The following XKRX variants were observed in gnomAD, a reference collection of about 807,000 sequenced individuals.
XKRX encodes the protein XK-related protein 2.
Under a neutral mutation model 22.4 loss-of-function variants are expected in XKRX, and 11 were observed. The observed-to-expected ratio is 0.49, with a 90% CI of 0.31 to 0.81. XKRX has a LOEUF of 0.81. Ranked by LOEUF, XKRX falls within the 40% of genes least tolerant of loss-of-function variation. The pLI is 0.05. For synonymous variants in XKRX, 114 were observed against 132.2 expected, an observed-to-expected ratio of 0.86 and a Z score of 0.94; for missense variants, 320 against 336.5, an observed-to-expected ratio of 0.95 and a Z score of 0.38.
chrX:100,932,385 C>G (rs1226585954), upstream of XKRX, among the ~76,000 whole-genome samples: 1 of 111,642 alleles, frequency 9.0e-6, no homozygotes, highest in African/African-American at 3.3e-5. Context: ...GACTAGTCAT[C>G]TGAGGTGACA....
chrX:100,946,553 G>A, the XKRX span, among the ~76,000 whole-genome samples: 19 of 111,837 alleles, frequency 1.7e-4, no homozygotes, highest in African/African-American at 6.2e-4. Context: ...AGGAAAACCA[G>A]CAGAGAGAGA....
intron 2 of XKRX, among the ~76,000 whole-genome samples, chrX:100,918,033 A>T (rs2085454018): frequency 9.0e-6 from 1 of 111,288 alleles, no homozygotes; most frequent in African/African-American, 3.3e-5. Context: ...TTCTTCCTTT[A>T]TGTCAAAGGA....
chrX:100,897,983 A>T, the XKRX span, among the ~76,000 whole-genome samples: 40 of 111,645 alleles, frequency 3.6e-4, no homozygotes, highest in African/African-American at 1.2e-3. Flanking sequence ...CAGGCATGTT[A>T]CGAGTGGCAG....
the XKRX span, chrX:100,888,156 C>G: frequency 8.6e-7 from 1 of 1,164,353 alleles, no homozygotes; most frequent in Non-Finnish European, 1.2e-6. Context: ...AAAGGCAAAG[C>G]CCCTTTTCTT....
the XKRX span, among the ~76,000 whole-genome samples, chrX:100,898,471 C>T: frequency 9.2e-6 from 1 of 108,736 alleles, no homozygotes; most frequent in African/African-American, 3.4e-5. Flanking sequence ...TTCACAGCAG[C>T]CTTGGCAAGA....
the XKRX span, among the ~76,000 whole-genome samples, chrX:100,936,045 G>A: frequency 1.8e-5 from 2 of 111,285 alleles, no homozygotes; most frequent in African/African-American, 3.3e-5. Context: ...ATAGGCCTGA[G>A]TCTAGTTCTC....
At chrX:100,919,087 C>T (rs2085459243) in intron 2 of XKRX, among the ~76,000 whole-genome samples, 1 of 111,897 alleles carries the variant, frequency 8.9e-6, no homozygotes, top group Non-Finnish European at 1.9e-5. Context: ...TATCATTTCA[C>T]AATATGAAAT....
chrX:100,915,492 C>G (rs1164906467), intron 2 of XKRX, among the ~76,000 whole-genome samples: 1 of 110,804 alleles, frequency 9.0e-6, no homozygotes, highest in Non-Finnish European at 1.9e-5. Flanking sequence ...TGGAGGTTCT[C>G]CAAAAAAATT....
At chrX:100,917,480 T>C (rs1056947330) in intron 2 of XKRX, among the ~76,000 whole-genome samples, 83 of 97,836 alleles carry the variant, frequency 8.5e-4, no homozygotes, top group African/African-American at 3.2e-3. Context: ...TAGCTGGGCA[T>C]GGTGGTGCAT....
the XKRX span, among the ~76,000 whole-genome samples, chrX:100,946,860 G>A: frequency 5.4e-5 from 6 of 111,610 alleles, no homozygotes; most frequent in African/African-American, 9.8e-5. Context: ...TTTGTTCTCC[G>A]GCAGCACAGA....
chrX:100,911,382 G>A, downstream of XKRX: 1 of 793,555 alleles, frequency 1.3e-6, no homozygotes, highest in South Asian at 2.1e-5. Flanking sequence ...GTAAATGTGA[G>A]CAAACTGGGA....
intron 2 of XKRX, among the ~76,000 whole-genome samples, chrX:100,917,557 AAG>A (rs1371532776): frequency 8.7e-5 from 9 of 103,070 alleles, no homozygotes; most frequent in Non-Finnish European, 1.6e-4. Context: ...GGAAGACAGA[AAG>A]AGAGAGAGAG....
At chrX:100,935,613 T>A in the XKRX span, among the ~76,000 whole-genome samples, 1 of 111,749 alleles carries the variant, frequency 8.9e-6, no homozygotes, top group Non-Finnish European at 1.9e-5. Context: ...GCTAAAGGAC[T>A]CCCATCAGCT....
At chrX:100,893,776 C>T in the XKRX span, among the ~76,000 whole-genome samples, 7 of 111,356 alleles carry the variant, frequency 6.3e-5, no homozygotes, top group Non-Finnish European at 1.3e-4. Context: ...CACACATGGA[C>T]ATAAAGATGG....
Position 100,914,404 on chromosome X carries a change from G to A in XKRX, c.1284C>T (p.His428=), listed in dbSNP as rs1240763627. The part of the protein sequence containing the change: ...DYLHCVCCHQ[H]PRTRVENSEP... Reference sequence around the variant, plus strand: ...CTGAGTTCTCAACCCTGGTCCGAGGGTGCTGGTGACAGCAGACACAATGGA... The same window carrying A: ...CTGAGTTCTCAACCCTGGTCCGAGGATGCTGGTGACAGCAGACACAATGGA... Residue 428 remains histidine, a synonymous_variant, in exon 3 of 3, where the codon CAC becomes CAT. Transcript: ENST00000372956. 3 of 1,211,840 alleles carry A rather than the reference G, an allele frequency of 2.5e-6. No individual in the cohort carries two copies. The highest frequency in any genetic ancestry group is 1.8e-5 in the South Asian group (1 of 56,983).
chrX:100,959,217 AGC>A, the XKRX span, among the ~76,000 whole-genome samples: 1 of 112,027 alleles, frequency 8.9e-6, no homozygotes, highest in East Asian at 2.8e-4. Flanking sequence ...TTTTTAAACT[AGC>A]TTTTAGTTTA....
At chrX:100,957,238 TG>T in the XKRX span, 6 of 978,680 alleles carry the variant, frequency 6.1e-6, no homozygotes, top group Non-Finnish European at 8.8e-6. Flanking sequence ...TCTGATTTCC[TG>T]ATCATTGGTA....
chrX:100,953,593 A>T, the XKRX span, among the ~76,000 whole-genome samples: 28,651 of 110,942 alleles, frequency 0.26, 3,264 homozygotes, highest in Non-Finnish European at 0.34. Context: ...CTGATAAGGG[A>T]CTTGAATATA....
upstream of XKRX, among the ~76,000 whole-genome samples, chrX:100,932,932 AG>A (rs754612217): frequency 3.2e-4 from 36 of 111,540 alleles, no homozygotes; most frequent in African/African-American, 1.2e-3. Flanking sequence ...TGGGAGACTG[AG>A]GTGGGAGGAT....
Sources: gnomAD v4.1 joint callset for allele counts (sites outside exome capture counted in the v4.1 genomes callset) on GRCh38, gnomAD v4.1.1 for gene constraint, MANE v1.5 for transcripts, NCBI Gene and HGNC (gene_info 2026-07-23, HGNC 2026-07-21) for gene names.